The following UBA3 variants were observed in gnomAD, a reference collection of about 807,000 sequenced individuals.
UBA3 encodes NEDD8-activating enzyme E1 catalytic subunit.
UBA3 carries 26 observed loss-of-function variants against 73.5 expected under a neutral mutation model. The observed-to-expected ratio is 0.35, with a 90% CI of 0.26 to 0.49. The LOEUF (loss-of-function observed/expected upper bound fraction) is 0.49. Ranked by LOEUF, UBA3 falls within the 20% of genes least tolerant of loss-of-function variation. The pLI is 0.98. For missense variants in UBA3, 495 were observed against 555.6 expected, an observed-to-expected ratio of 0.89 and a Z score of 1.10; for synonymous variants, 217 against 191.2, an observed-to-expected ratio of 1.13 and a Z score of -1.11.
At position 69,067,946 on chromosome 3, in the gene UBA3, G is replaced by A. The variant is rs188636684; in HGVS notation, c.410C>T (p.Pro137Leu). 28 of 1,606,502 alleles carry A rather than the reference G, an allele frequency of 1.7e-5. No homozygotes were observed. Among genetic ancestry groups the A allele is most frequent in the African/African-American group, 5.3e-5 (4 of 74,802 alleles). ...AGGATACGGAACTACATTGCAATTA[G>A]GAACTCTGTCATTTAGAAATTCTGC... ...VAAEFLNDRV[P>L]NCNVVPHFNK... Residue 137 changes from proline (P) to leucine (L), a missense_variant, in exon 6 of 18, where the codon CCT becomes CTT. Transcript: ENST00000361055.
In UBA3 at chr3:69,064,196, A is replaced by G. The variant is rs141562107; in HGVS notation, c.429-85T>C. 3.2e-3 allele frequency: 3,285 copies of G among 1,032,572 alleles called. 6 individuals carry two copies. Among genetic ancestry groups the G allele is most frequent in the Admixed American group, 5.1e-3 (170 of 33,282 alleles). 64.0% of individuals were successfully genotyped at this position (1,032,572 alleles called of 1,614,324 possible). On this transcript the variant is annotated intron_variant, in intron 6 of 17. Transcript: ENST00000361055. ...ATGCCATAAGGAACACACTCTGCAT[A>G]TATTTACAACAAGAAATAAGTAATC...
intron 17 of UBA3, 65 bp downstream of exon 17, chr3:69,055,786 G>T: frequency 6.8e-7 from 1 of 1,479,120 alleles, no homozygotes; most frequent in South Asian, 1.2e-5. Context: ...AACAAGCACT[G>T]ATTACTTTCA....
chr3:69,071,046 G>A (rs1438728633), intron 5 of UBA3: 1 of 157,570 alleles, frequency 6.3e-6, no homozygotes, highest in Non-Finnish European at 1.4e-5. Flanking sequence ...CATTCCAATT[G>A]GTTCTGGTTT....
intron 5 of UBA3, among the ~76,000 whole-genome samples, chr3:69,068,509 AG>A (rs1299663188): frequency 2.0e-5 from 3 of 151,802 alleles, no homozygotes; most frequent in African/African-American, 7.3e-5. Context: ...AGAAAAAAAA[AG>A]AAAAAAAAAA....
chr3:69,062,303 A>C, intron 9 of UBA3, 124 bp from the exon 10 acceptor site: 1 of 669,422 alleles, frequency 1.5e-6, no homozygotes, highest in South Asian at 1.9e-5. Flanking sequence ...ATTGTATACC[A>C]TTAAAAATGC....
At position 69,076,939 on chromosome 3, in the gene UBA3, T is replaced by C. The variant is rs74709507; in HGVS notation, c.183+859A>G. Among the ~76,000 whole-genome samples the C allele has an allele frequency of 7.0e-3, 1,058 of 151,474 alleles. 14 individuals carry two copies. Among genetic ancestry groups the C allele is most frequent in the African/African-American group, 0.024 (986 of 41,308 alleles). On this transcript the variant is annotated intron_variant, in intron 3 of 17. Transcript: ENST00000361055. ...TGAGCGAAACTCACAAAACATGAGATAACACGAAAACATATAAAACTCTTA... is the reference window on the plus strand; with the variant it reads ...TGAGCGAAACTCACAAAACATGAGACAACACGAAAACATATAAAACTCTTA...
At chr3:69,074,063 T>C (rs2092144384) in intron 4 of UBA3, among the ~76,000 whole-genome samples, 2 of 152,228 alleles carry the variant, frequency 1.3e-5, no homozygotes, top group African/African-American at 4.8e-5. Context: ...AAGATTACTA[T>C]AATGCAATAA....
Position 69,054,875 on chromosome 3 carries a change from A to T in UBA3, c.*562T>A, listed in dbSNP as rs990611142. ...TGGCACTACAAGTAAACAGATGAAA[A>T]TATTGCCCATTTTCATGCACAGGTA... On this transcript the variant is annotated 3_prime_UTR_variant, in exon 18 of 18. Coordinates refer to ENST00000361055, the MANE Select transcript of UBA3 (RefSeq NM_003968.4). 2.6e-5 allele frequency: 4 copies of T among 152,240 alleles called. No individual in the cohort carries two copies. The highest frequency in any genetic ancestry group is 7.2e-5 in the African/African-American group (3 of 41,454). 9.4% of individuals were successfully genotyped at this position (152,240 alleles called of 1,614,324 possible).
At chr3:69,061,001 T>G (rs1455228807) in intron 11 of UBA3, among the ~76,000 whole-genome samples, 1 of 152,198 alleles carries the variant, frequency 6.6e-6, no homozygotes, top group African/African-American at 2.4e-5. Context: ...CCTGAATAAA[T>G]TACCCAGTTT....
intron 1 of UBA3, 70 bp from the exon 2 acceptor site, chr3:69,080,223 G>A: frequency 6.7e-7 from 1 of 1,495,478 alleles, no homozygotes; most frequent in South Asian, 1.2e-5. Flanking sequence ...AGGGGGGCGA[G>A]GGGACGGGGC....
At chr3:69,074,760 A>G (rs1225361418) in intron 4 of UBA3, among the ~76,000 whole-genome samples, 2 of 152,166 alleles carry the variant, frequency 1.3e-5, no homozygotes, top group South Asian at 2.1e-4. Flanking sequence ...AGTCAAGGAA[A>G]CCAATTAATT....
chr3:69,073,719 T>TCTGC (rs1388378875), intron 4 of UBA3, among the ~76,000 whole-genome samples: 1 of 151,252 alleles, frequency 6.6e-6, no homozygotes, highest in Non-Finnish European at 1.5e-5. Flanking sequence ...CACTGCAAGC[T>TCTGC]CTGCCTCCCG....
In UBA3 at chr3:69,063,421, C is replaced by A; in HGVS notation, c.537+18G>T. The stretch of plus-strand genomic sequence containing the variant: ...CAGCAAGAACTTCAGAGAACTATAA[C>A]AATACTAAAGTCTTTACCAGCATGC... On this transcript the variant is annotated intron_variant, in intron 8 of 17. Transcript: ENST00000361055. The A allele has an allele frequency of 6.4e-7, 1 of 1,568,256 alleles. No homozygotes were observed. The highest frequency in any genetic ancestry group is 8.6e-7 in the Non-Finnish European group (1 of 1,158,818).
intron 2 of UBA3, among the ~76,000 whole-genome samples, chr3:69,079,358 C>A (rs1406786742): frequency 6.6e-6 from 1 of 152,212 alleles, no homozygotes; most frequent in African/African-American, 2.4e-5. Context: ...TGAAATTCAA[C>A]TGAGGGACAC....
At chr3:69,056,950 G>C in intron 12 of UBA3, 135 bp from the exon 13 acceptor site, 1 of 968,306 alleles carries the variant, frequency 1.0e-6, no homozygotes, top group Non-Finnish European at 1.5e-6. Flanking sequence ...TAAAAACTGA[G>C]ACAGTAACAA....
In UBA3 at chr3:69,071,650, A is replaced by G. The variant is rs370735632; in HGVS notation, c.265-33T>C. The stretch of plus-strand genomic sequence containing the variant: ...AATAAAAACAATCCAATTAAGCAGA[A>G]GTTTCCTCACATTTAAAAACGTAAC... On this transcript the variant is annotated intron_variant, in intron 4 of 17. Transcript: ENST00000361055. 9 of 1,342,720 alleles carry G rather than the reference A, an allele frequency of 6.7e-6. No individual in the cohort carries two copies. In the African/African-American group the frequency reaches 1.1e-4, roughly 16 times the overall value. The allele number at this position is 1,342,720 out of a possible 1,614,324, so 83.2% of individuals were successfully genotyped here.
Position 69,055,937 on chromosome 3 carries a change from C to A in UBA3, c.1249-32G>T, listed in dbSNP as rs764065429. 1.9e-6 allele frequency: 3 copies of A among 1,597,592 alleles called. No homozygotes were observed. In the East Asian group the frequency reaches 6.7e-5, roughly 36 times the overall value. On this transcript the variant is annotated intron_variant, in intron 16 of 17. Coordinates refer to ENST00000361055, the MANE Select transcript of UBA3 (RefSeq NM_003968.4). ...AACAAAATTACTTTAATGTAAGACA[C>A]ATTAAAGTAAAATAAAACTTGATAT...
chr3:69,072,814 C>T (rs1264275285), intron 4 of UBA3, among the ~76,000 whole-genome samples: 1 of 152,180 alleles, frequency 6.6e-6, no homozygotes, highest in African/African-American at 2.4e-5. Context: ...ATTGCAGTAA[C>T]TTCCTCATTG....
intron 8 of UBA3, 34 bp from the exon 9 acceptor site, chr3:69,063,171 A>T: frequency 6.2e-7 from 1 of 1,608,608 alleles, no homozygotes; most frequent in African/African-American, 1.3e-5. Flanking sequence ...TTAAAGGAGA[A>T]GGGGATAAGA....
Sources: gnomAD v4.1 joint callset for allele counts (sites outside exome capture counted in the v4.1 genomes callset) on GRCh38, gnomAD v4.1.1 for gene constraint, MANE v1.5 for transcripts, NCBI Gene and HGNC (gene_info 2026-07-23, HGNC 2026-07-21) for gene names.